Variants in PRKACA observed in about 807,000 individuals in gnomAD.
PRKACA encodes protein kinase cAMP-activated catalytic subunit alpha.
PRKACA carries 9 observed loss-of-function variants against 45.8 expected under a neutral mutation model. The observed-to-expected ratio is 0.20, with a 90% CI of 0.12 to 0.34. The LOEUF (loss-of-function observed/expected upper bound fraction) is 0.34, where lower values mean the gene tolerates loss of function less well. PRKACA is among the 10% of genes least tolerant of loss of function. The probability of loss-of-function intolerance (pLI) is 1.00; values close to 1 mark genes in which losing one functional copy is unlikely to be tolerated. For missense variants in PRKACA, 238 were observed against 458.6 expected, an observed-to-expected ratio of 0.52 and a Z score of 4.39; for synonymous variants, 160 against 178.6, an observed-to-expected ratio of 0.90 and a Z score of 0.83.
In PRKACA at chr19:14,093,118, C is replaced by T. The variant is rs746884607; in HGVS notation, c.1050G>A (p.Glu350=). The change falls in exon 10 of 10, where the codon GAG becomes GAA. Residue 350 remains glutamate, a synonymous_variant. Coordinates refer to ENST00000308677, the MANE Select transcript of PRKACA (RefSeq NM_002730.4). The stretch of plus-strand genomic sequence containing the variant: ...TGGGGGCACAGGCATGCCCCTAAAA[C>T]TCAGAAAACTCCTTGCCACACTTCT... ...INEKCGKEFS[E]F 17 of 1,466,080 alleles carry T rather than the reference C, an allele frequency of 1.2e-5. No homozygotes were observed. Among genetic ancestry groups the T allele is most frequent in the Non-Finnish European group, 1.5e-5 (16 of 1,094,192 alleles). 90.8% of individuals were successfully genotyped at this position (1,466,080 alleles called of 1,614,324 possible).
At chr19:14,093,911 C>A in intron 8 of PRKACA, 119 bp from the exon 9 acceptor site, 1 of 1,086,806 alleles carries the variant, frequency 9.2e-7, no homozygotes, top group South Asian at 1.7e-5. Flanking sequence ...AGAGTGCCTG[C>A]CAGCATCTTG....
intron 1 of PRKACA, chr19:14,114,112 T>C (rs964555573): frequency 1.4e-5 from 23 of 1,608,330 alleles, no homozygotes; most frequent in Admixed American, 1.2e-4. Context: ...GAAGTTGCTA[T>C]AGTAACAGGA....
At chr19:14,109,965 AAT>A (rs1188333013) in intron 1 of PRKACA, among the ~76,000 whole-genome samples, 1,133 of 23,716 alleles carry the variant, frequency 0.048, 57 homozygotes, top group South Asian at 0.076. Flanking sequence ...AAAAAAAAAA[AAT>A]ATATATATAT....
Position 14,101,144 on chromosome 19 carries a change from C to T in PRKACA, c.337-236G>A, listed in dbSNP as rs533674949. On this transcript the variant is annotated intron_variant, in intron 4 of 9. Coordinates refer to ENST00000308677, the MANE Select transcript of PRKACA (RefSeq NM_002730.4). ...GCCTGCCTTGGCTGGAGAGAGAACT[C>T]TGTAGTACCTTGCTCTGGGAGCTTG... 3.0e-5 allele frequency: 15 copies of T among 497,424 alleles called. No homozygotes were observed. The East Asian group carries it at 5.2e-4, about 17-fold the overall frequency. 30.8% of individuals were successfully genotyped at this position (497,424 alleles called of 1,614,324 possible). A position where few individuals can be genotyped will look rare whatever the true frequency, so the allele number is the denominator to read the frequency against.
chr19:14,115,216 T>C (rs924942970), intron 1 of PRKACA: 2 of 604,926 alleles, frequency 3.3e-6, no homozygotes, highest in African/African-American at 4.0e-5. Flanking sequence ...AGTTACACTG[T>C]ATTTAATGCG....
intron 1 of PRKACA, among the ~76,000 whole-genome samples, chr19:14,115,940 C>T (rs1050022941): frequency 2.0e-5 from 3 of 152,166 alleles, no homozygotes; most frequent in Admixed American, 6.5e-5. Context: ...ACCTGCTCCT[C>T]TGTCATCAGG....
intron 1 of PRKACA, among the ~76,000 whole-genome samples, chr19:14,114,575 C>T (rs1967068585): frequency 1.3e-5 from 2 of 152,090 alleles, no homozygotes; most frequent in East Asian, 3.9e-4. Flanking sequence ...CTAGCTCTGC[C>T]CCTTCCCCTG....
chr19:14,093,325 G>A (rs949848664), intron 9 of PRKACA, 88 bp from the exon 10 acceptor site: 1 of 1,511,552 alleles, frequency 6.6e-7, no homozygotes, highest in Admixed American at 1.9e-5. Context: ...ACATTCAAGA[G>A]ATATTTACTC....
At chr19:14,107,900 C>T (rs1436398445) in intron 1 of PRKACA, 3 of 989,474 alleles carry the variant, frequency 3.0e-6, no homozygotes, top group Non-Finnish European at 3.6e-6. Flanking sequence ...CCGTGGCAAT[C>T]GCAAGGGCAT....
intron 1 of PRKACA, 78 bp from the exon 2 acceptor site, chr19:14,107,487 C>T (rs1011983826): frequency 6.6e-6 from 10 of 1,518,328 alleles, no homozygotes; most frequent in South Asian, 3.5e-5. Context: ...TGGGGAGATA[C>T]TTGGTGGAAA....
At chr19:14,101,031 A>T in intron 4 of PRKACA, 123 bp from the exon 5 acceptor site, 1 of 820,998 alleles carries the variant, frequency 1.2e-6, no homozygotes, top group Non-Finnish European at 2.1e-6. Flanking sequence ...GGCTCCCTGT[A>T]GGAATCATGT....
At chr19:14,110,011 C>G (rs1317613042) in intron 1 of PRKACA, among the ~76,000 whole-genome samples, 2 of 121,828 alleles carry the variant, frequency 1.6e-5, no homozygotes, top group African/African-American at 6.3e-5. Context: ...CACACACACA[C>G]ACACACACAT....
chr19:14,101,845 C>G (rs1056295574), intron 4 of PRKACA, among the ~76,000 whole-genome samples: 1 of 147,290 alleles, frequency 6.8e-6, no homozygotes, highest in Non-Finnish European at 1.5e-5. Flanking sequence ...TGGGCAACAA[C>G]AGCCAAACTC....
intron 5 of PRKACA, among the ~76,000 whole-genome samples, chr19:14,098,646 C>T (rs985261557): frequency 6.6e-6 from 1 of 151,508 alleles, no homozygotes; most frequent in African/African-American, 2.4e-5. Context: ...CAGGTGTGCA[C>T]CACCACGCCC....
intron 1 of PRKACA, chr19:14,114,030 CCTT>C (rs1967046474): frequency 3.0e-6 from 4 of 1,338,080 alleles, no homozygotes; most frequent in Non-Finnish European, 4.2e-6. Context: ...GGGTTCACAT[CCTT>C]CTTCTCTTCG....
chr19:14,113,639 C>T (rs1967033904), intron 1 of PRKACA, among the ~76,000 whole-genome samples: 1 of 152,188 alleles, frequency 6.6e-6, no homozygotes, highest in African/African-American at 2.4e-5. Flanking sequence ...ACCTTCTGCC[C>T]TTTTGAAATC....
Position 14,093,063 on chromosome 19 carries a change from A to AAAAAAAG in PRKACA, c.*42_*48dup, listed in dbSNP as rs141786059. 1 of 456,514 alleles carries AAAAAAAG rather than the reference A, an allele frequency of 2.2e-6. No homozygotes were observed. The highest frequency in any genetic ancestry group is 3.5e-6 in the Non-Finnish European group (1 of 287,260). 28.3% of individuals were successfully genotyped at this position (456,514 alleles called of 1,614,324 possible). On this transcript the variant is annotated 3_prime_UTR_variant, in exon 10 of 10. Coordinates refer to ENST00000308677, the MANE Select transcript of PRKACA (RefSeq NM_002730.4). ...TCCAACCCTCCCACCCCCCCGACCA[A>AAAAAAAG]AAAAAAGAAAAAAGAAAAAAGAAAA... is the stretch of plus-strand genomic sequence containing the variant.
At chr19:14,114,315 TG>T in intron 1 of PRKACA, 1 of 918,086 alleles carries the variant, frequency 1.1e-6, no homozygotes, top group Admixed American at 2.2e-5. Flanking sequence ...CAGAGGCCAC[TG>T]GGTGTGGAGG....
intron 3 of PRKACA, among the ~76,000 whole-genome samples, chr19:14,105,792 G>C (rs1977585681): frequency 6.6e-6 from 1 of 152,168 alleles, no homozygotes; most frequent in African/African-American, 2.4e-5. Flanking sequence ...TGCTTCTGTG[G>C]CTCAGGTTAC....
Sources: gnomAD v4.1 joint callset for allele counts (sites outside exome capture counted in the v4.1 genomes callset) on GRCh38, gnomAD v4.1.1 for gene constraint, MANE v1.5 for transcripts, NCBI Gene and HGNC (gene_info 2026-07-23, HGNC 2026-07-21) for gene names.